Variants in EPB41L4A observed in about 807,000 individuals in gnomAD.
EPB41L4A encodes the protein band 4.1-like protein 4A.
A neutral mutation model predicts 108.6 loss-of-function variants in EPB41L4A; 100 were observed. That is an observed-to-expected ratio of 0.92 (90% CI 0.78 to 1.09). EPB41L4A has a LOEUF of 1.09. EPB41L4A is among the 50% of genes least tolerant of loss of function. The pLI, the probability that EPB41L4A is intolerant of heterozygous loss-of-function variation, is 0.00. For missense variants in EPB41L4A, 1,030 were observed against 842.7 expected (o/e 1.22, Z -2.75); for synonymous variants, 319 against 289.0 (o/e 1.10, Z -1.05).
Position 112,153,522 on chromosome 5 carries a change from C to T in EPB41L4A, n.994+4879G>A, listed in dbSNP as rs562007887. On this transcript the variant is annotated intron_variant and non_coding_transcript_variant, in intron 12 of 13. Coordinates refer to the EPB41L4A transcript ENST00000507810. The stretch of plus-strand genomic sequence containing the variant: ...CCAGCCAGGGCAACAGAGCAAGACT[C>T]TGTCTCAAAAAAAAAACAAAAGAAA... Among the ~76,000 whole-genome samples the T allele has an allele frequency of 6.8e-4, 100 of 147,438 alleles. 1 individual carries two copies. The highest frequency in any genetic ancestry group is 1.2e-3 in the Non-Finnish European group (83 of 67,204).
chr5:112,403,225 C>G (rs1761885723), intron 1 of EPB41L4A, among the ~76,000 whole-genome samples: 1 of 151,606 alleles, frequency 6.6e-6, no homozygotes, highest in Non-Finnish European at 1.5e-5. Context: ...TCAAAACCTG[C>G]TTTCCCAATG....
intron 1 of EPB41L4A, among the ~76,000 whole-genome samples, chr5:112,362,584 G>C (rs1278093617): frequency 6.6e-6 from 1 of 152,044 alleles, no homozygotes; most frequent in Non-Finnish European, 1.5e-5. Flanking sequence ...CCCAGACTTA[G>C]AACATTAATT....
At chr5:112,317,052 G>A (rs1444703473) in intron 1 of EPB41L4A, among the ~76,000 whole-genome samples, 2 of 152,218 alleles carry the variant, frequency 1.3e-5, no homozygotes, top group South Asian at 4.1e-4. Flanking sequence ...CACTGAGTCA[G>A]TGCACATGGA....
intron 12 of EPB41L4A, among the ~76,000 whole-genome samples, chr5:112,214,744 C>T (rs747644676): frequency 6.0e-5 from 9 of 151,228 alleles, no homozygotes; most frequent in Non-Finnish European, 8.8e-5. Flanking sequence ...CCAGCCCAGG[C>T]GACAGAGCAA....
At chr5:112,185,150 T>G (rs188533864) in intron 17 of EPB41L4A, among the ~76,000 whole-genome samples, 2 of 152,190 alleles carry the variant, frequency 1.3e-5, no homozygotes, top group Admixed American at 1.3e-4. Context: ...AACTTCTAAT[T>G]TATGTAAGCT....
chr5:112,265,706 G>A (rs889258327), intron 5 of EPB41L4A, among the ~76,000 whole-genome samples: 4 of 152,122 alleles, frequency 2.6e-5, no homozygotes, highest in Non-Finnish European at 5.9e-5. Flanking sequence ...GTGTCTAATC[G>A]TCACTGGAAG....
chr5:112,353,829 G>A (rs1758205030), intron 1 of EPB41L4A, among the ~76,000 whole-genome samples: 2 of 152,118 alleles, frequency 1.3e-5, no homozygotes, highest in Non-Finnish European at 2.9e-5. Flanking sequence ...GCACACACAT[G>A]CCTAGGACAA....
chr5:112,196,866 AC>A (rs1761988655), intron 15 of EPB41L4A: 1 of 152,058 alleles, frequency 6.6e-6, no homozygotes, highest in Non-Finnish European at 1.5e-5. Context: ...CAAACTCTCC[AC>A]CCTGCAACCC....
chr5:112,143,962 T>TA, intron 13 of EPB41L4A: 1 of 424,906 alleles, frequency 2.4e-6, no homozygotes, highest in Non-Finnish European at 4.8e-6. Context: ...TAAATTATGC[T>TA]ATGGCCACCC....
intron 1 of EPB41L4A, among the ~76,000 whole-genome samples, chr5:112,342,437 G>C (rs67033649): frequency 1.8e-4 from 27 of 152,270 alleles, no homozygotes; most frequent in Non-Finnish European, 2.5e-4. Context: ...GAGGTAACAG[G>C]CAGTCCTGAC....
chr5:112,184,018 A>C lies in EPB41L4A; in HGVS notation c.1620T>G (p.Arg540=). The C allele has an allele frequency of 1.2e-6, 2 of 1,614,008 alleles. No homozygotes were observed. The highest frequency in any genetic ancestry group is 1.7e-6 in the Non-Finnish European group (2 of 1,179,912). Residue 540 remains arginine (R), a splice_region_variant and synonymous_variant, in exon 18 of 23, where the codon CGT becomes CGG. Coordinates refer to ENST00000261486, the MANE Select transcript of EPB41L4A (RefSeq NM_022140.5). ...AGGTATAAAAAGAGTCCACATACGA[A>C]CGAGATCTGTGTCTGGATCGCCTGT... ...PNNRRSRHRS[R]SRSPDIQAKE...
chr5:112,342,427 G>A (rs1757376765), intron 1 of EPB41L4A, among the ~76,000 whole-genome samples: 1 of 152,190 alleles, frequency 6.6e-6, no homozygotes, highest in Non-Finnish European at 1.5e-5. Context: ...TGGTGGGCTG[G>A]AGGTAACAGG....
rs915576018 is a variant in EPB41L4A, at chr5:112,171,053, C to T, written c.1623-61G>A. 19 of 1,429,616 alleles carry T rather than the reference C, an allele frequency of 1.3e-5. No individual in the cohort carries two copies. In the African/African-American group the frequency reaches 1.4e-4, roughly 11 times the overall value. 88.6% of individuals were successfully genotyped at this position (1,429,616 alleles called of 1,614,324 possible). On this transcript the variant is annotated intron_variant, in intron 18 of 22. Transcript: ENST00000261486. ...CATGCTTCATCTCACAACCTAATAA[C>T]TAACTTTAATAGTTTTCAGACTGTG...
intron 2 of EPB41L4A, among the ~76,000 whole-genome samples, chr5:112,297,959 G>A (rs1754111122): frequency 1.3e-5 from 2 of 151,990 alleles, no homozygotes; most frequent in South Asian, 4.2e-4. Flanking sequence ...TAATTTCTGG[G>A]CTCTCTATTC....
chr5:112,215,806 G>C (rs1385147818), intron 12 of EPB41L4A, among the ~76,000 whole-genome samples: 1 of 147,278 alleles, frequency 6.8e-6, no homozygotes, highest in Non-Finnish European at 1.5e-5. Context: ...AACAGACAAA[G>C]CTTAATTCCA....
intron 2 of EPB41L4A, among the ~76,000 whole-genome samples, chr5:112,281,531 C>A (rs191634758): frequency 7.2e-5 from 11 of 152,304 alleles, no homozygotes. Flanking sequence ...CTCTCCTAGC[C>A]AGATGCTGGG....
At chr5:112,323,376 C>A (rs1251638144) in intron 1 of EPB41L4A, among the ~76,000 whole-genome samples, 4 of 152,188 alleles carry the variant, frequency 2.6e-5, no homozygotes, top group African/African-American at 9.7e-5. Flanking sequence ...TTATCTGTAA[C>A]CACACATCTT....
chr5:112,304,585 T>G (rs901830902), intron 2 of EPB41L4A, among the ~76,000 whole-genome samples: 1 of 152,188 alleles, frequency 6.6e-6, no homozygotes. Context: ...ACAAAACTCA[T>G]CTTCAAAAAT....
intron 1 of EPB41L4A, among the ~76,000 whole-genome samples, chr5:112,396,108 G>C (rs1380213926): frequency 6.6e-6 from 1 of 152,132 alleles, no homozygotes; most frequent in African/African-American, 2.4e-5. Context: ...GTGGGGTTGG[G>C]GGAAGGGGGA....
Sources: allele counts gnomAD v4.1 joint callset (sites outside exome capture counted in the v4.1 genomes callset), GRCh38; gene constraint gnomAD v4.1.1; transcripts MANE v1.5; gene names NCBI Gene and HGNC (gene_info 2026-07-23, HGNC 2026-07-21).